The following PDE8A variants were observed in gnomAD, a reference collection of about 807,000 sequenced individuals.
PDE8A encodes phosphodiesterase 8A.
In PDE8A, 59 loss-of-function variants were observed where a neutral mutation model predicts 105.0. That is an observed-to-expected ratio of 0.56 (90% CI 0.46 to 0.70). The LOEUF (loss-of-function observed/expected upper bound fraction) is 0.70. PDE8A is among the 30% of genes least tolerant of loss of function. The pLI, the probability that PDE8A is intolerant of heterozygous loss-of-function variation, is 0.00. For synonymous variants in PDE8A, 355 were observed against 371.9 expected, an observed-to-expected ratio of 0.95 and a Z score of 0.52; for missense variants, 1,014 against 1,045.9, an observed-to-expected ratio of 0.97 and a Z score of 0.42.
chr15:85,037,251 G>A (rs998455575), intron 1 of PDE8A, among the ~76,000 whole-genome samples: 1 of 152,074 alleles, frequency 6.6e-6, no homozygotes, highest in Non-Finnish European at 1.5e-5. Flanking sequence ...TTTTAGTAGA[G>A]ACAGGGTTTC....
chr15:85,067,856 G>C (rs138371927), intron 3 of PDE8A, among the ~76,000 whole-genome samples: 312 of 152,166 alleles, frequency 2.1e-3, no homozygotes, highest in African/African-American at 7.2e-3. Context: ...CGTCAACATG[G>C]GTTTGTTTCC....
intron 12 of PDE8A, 37 bp downstream of exon 12, chr15:85,109,167 A>C: frequency 2.9e-6 from 4 of 1,400,120 alleles, no homozygotes; most frequent in Non-Finnish European, 4.1e-6. Context: ...ATGTGATCAA[A>C]TCACTGTTGA....
chr15:85,125,164 GA>G (rs1208091148), intron 19 of PDE8A, among the ~76,000 whole-genome samples: 1 of 152,146 alleles, frequency 6.6e-6, no homozygotes, highest in Non-Finnish European at 1.5e-5. Context: ...CACTCTCCAG[GA>G]AGTGTGGGAA....
At position 85,126,331 on chromosome 15, in the gene PDE8A, G is replaced by A; in HGVS notation, c.2210G>A (p.Cys737Tyr). Residue 737 changes from cysteine to tyrosine, a missense_variant, in exon 20 of 22, where the codon TGC (cysteine) becomes TAC (tyrosine). By Grantham distance (194) the Cys-to-Tyr change is radical. Coordinates refer to ENST00000394553, the MANE Select transcript of PDE8A (RefSeq NM_002605.3). ...VSNPCRPLQYCIEWAARISEE... is the reference protein window; with the variant it reads ...VSNPCRPLQYYIEWAARISEE... ...AATCCCTGCCGACCCCTGCAGTACT[G>A]CATCGAGTGGGCTGCACGCATTTCG... The A allele has an allele frequency of 6.2e-7, 1 of 1,606,966 alleles. No individual in the cohort carries two copies. The highest frequency in any genetic ancestry group is 8.5e-7 in the Non-Finnish European group (1 of 1,176,398).
At chr15:85,067,283 A>G in intron 3 of PDE8A, 79 bp downstream of exon 3, 1 of 1,017,638 alleles carries the variant, frequency 9.8e-7, no homozygotes, top group Non-Finnish European at 1.4e-6. Context: ...ATTAAATTAG[A>G]CTCACTCTCT....
chr15:84,982,829 G>A (rs1180695704), intron 1 of PDE8A, among the ~76,000 whole-genome samples: 1 of 152,254 alleles, frequency 6.6e-6, no homozygotes, highest in African/African-American at 2.4e-5. Flanking sequence ...TGCAGTTGCA[G>A]GTTACCATTT....
intron 1 of PDE8A, among the ~76,000 whole-genome samples, chr15:84,984,974 T>G (rs547419105): frequency 6.6e-6 from 1 of 152,152 alleles, no homozygotes; most frequent in East Asian, 1.9e-4. Flanking sequence ...GGATAAGAGA[T>G]ATGCGGCCTA....
chr15:85,099,781 AT>A, intron 9 of PDE8A: 1 of 517,376 alleles, frequency 1.9e-6, no homozygotes, highest in Non-Finnish European at 3.4e-6. Flanking sequence ...TTGTCTCATG[AT>A]TAATTGGGAA....
intron 1 of PDE8A, among the ~76,000 whole-genome samples, chr15:85,046,539 C>T (rs1052868912): frequency 3.9e-5 from 6 of 152,156 alleles, no homozygotes; most frequent in Admixed American, 3.9e-4. Flanking sequence ...ATGTACTAGA[C>T]ACTGTTTTGG....
In PDE8A at chr15:85,091,036, C is replaced by T. The variant is rs1296060311; in HGVS notation, c.715-8C>T. The stretch of plus-strand genomic sequence containing the variant: ...TCACTTTATGTTTTTTCTTTTGTCT[C>T]CCTTCAGTATGCAAATCCTGCATTT... On this transcript the variant is annotated splice_polypyrimidine_tract_variant and splice_region_variant and intron_variant, in intron 7 of 21. Transcript: ENST00000394553. 3.8e-6 allele frequency: 6 copies of T among 1,599,098 alleles called. No homozygotes were observed. The highest frequency in any genetic ancestry group is 2.7e-5 in the African/African-American group (2 of 73,862).
chr15:85,136,708 G>C (rs1246125011), intron 21 of PDE8A, 45 bp downstream of exon 21: 6 of 1,582,632 alleles, frequency 3.8e-6, no homozygotes, highest in East Asian at 2.3e-5. Flanking sequence ...CTAAATAATG[G>C]GGAACCGCGT....
At chr15:85,003,345 G>C (rs1199550799) in intron 1 of PDE8A, among the ~76,000 whole-genome samples, 3 of 152,194 alleles carry the variant, frequency 2.0e-5, no homozygotes, top group Non-Finnish European at 4.4e-5. Flanking sequence ...TCAGTAGAGA[G>C]CTTCTTCCCT....
chr15:84,987,089 T>C (rs531988255), intron 1 of PDE8A, among the ~76,000 whole-genome samples: 35 of 152,350 alleles, frequency 2.3e-4, no homozygotes, highest in African/African-American at 8.4e-4. Context: ...TCTGCTGCCA[T>C]AGTAAGTGAC....
At chr15:85,117,608 G>C (rs1308130191) in intron 16 of PDE8A, 33 bp from the exon 17 acceptor site, 1 of 1,582,232 alleles carries the variant, frequency 6.3e-7, no homozygotes, top group South Asian at 1.1e-5. Context: ...TGTTTGCTTT[G>C]TTCTAATATT....
At chr15:85,069,252 T>C (rs2081277189) in intron 3 of PDE8A, among the ~76,000 whole-genome samples, 1 of 152,218 alleles carries the variant, frequency 6.6e-6, no homozygotes, top group Admixed American at 6.5e-5. Context: ...TGCTTTAATA[T>C]ATGGTTTTAG....
chr15:85,022,344 G>A (rs556192200), intron 1 of PDE8A, among the ~76,000 whole-genome samples: 2 of 151,898 alleles, frequency 1.3e-5, no homozygotes, highest in African/African-American at 2.4e-5. Context: ...CATGCTGGAC[G>A]GGGCACCCTG....
rs556744690 is a variant in PDE8A, at chr15:85,031,289, T to C, written c.187-33081T>C. Among the ~76,000 whole-genome samples the C allele has an allele frequency of 2.0e-5, 3 of 152,342 alleles. No individual in the cohort carries two copies. The East Asian group carries it at 5.8e-4, about 29-fold the overall frequency. Reference sequence around the variant, plus strand: ...AGGCAGAGATAAGACTAGACTTCTATGTCTTTGTCTCTCACATAGCTTGTC... The same window carrying C: ...AGGCAGAGATAAGACTAGACTTCTACGTCTTTGTCTCTCACATAGCTTGTC... On this transcript the variant is annotated intron_variant, in intron 1 of 21. Coordinates refer to ENST00000394553, the MANE Select transcript of PDE8A (RefSeq NM_002605.3).
At chr15:85,098,062 A>G (rs763277591) in intron 9 of PDE8A, 26 bp downstream of exon 9, 6 of 1,262,866 alleles carry the variant, frequency 4.8e-6, no homozygotes, top group Admixed American at 1.7e-5. Context: ...AAGTACATCA[A>G]TCAACATACA....
Position 85,066,961 on chromosome 15 carries a change from T to G in PDE8A, c.244-53T>G, listed in dbSNP as rs1229394977. ...CTCAAGAAAAAAAAAGTGTAAGAAA[T>G]GACAATTCTAACATCTTTTTTTAAA... On this transcript the variant is annotated intron_variant, in intron 2 of 21. Coordinates refer to ENST00000394553, the MANE Select transcript of PDE8A (RefSeq NM_002605.3). 3 of 1,345,034 alleles carry G rather than the reference T, an allele frequency of 2.2e-6. No individual in the cohort carries two copies. In the African/African-American group the frequency reaches 4.4e-5, roughly 20 times the overall value. The allele number at this position is 1,345,034 out of a possible 1,614,324, so 83.3% of individuals were successfully genotyped here.
Sources: gnomAD v4.1 joint callset for allele counts (sites outside exome capture counted in the v4.1 genomes callset) on GRCh38, gnomAD v4.1.1 for gene constraint, MANE v1.5 for transcripts, NCBI Gene and HGNC (gene_info 2026-07-23, HGNC 2026-07-21) for gene names.